SRPK2: variants seen among roughly 807,000 people sequenced by gnomAD.
SRPK2 encodes the protein SFRS protein kinase 2.
Under a neutral mutation model 90.8 loss-of-function variants are expected in SRPK2, and 21 were observed. The ratio of observed to expected loss-of-function variants is 0.23; its 90% CI spans 0.16 to 0.33. SRPK2 has a LOEUF of 0.33. SRPK2 is among the 10% of genes least tolerant of loss of function. The pLI, the probability that SRPK2 is intolerant of heterozygous loss-of-function variation, is 1.00. For missense variants in SRPK2, 620 were observed against 869.0 expected, an observed-to-expected ratio of 0.71 and a Z score of 3.60; for synonymous variants, 288 against 311.1, an observed-to-expected ratio of 0.93 and a Z score of 0.78.
intron 2 of SRPK2, among the ~76,000 whole-genome samples, chr7:105,317,532 A>C (rs1249524805): frequency 6.6e-6 from 1 of 152,240 alleles, no homozygotes; most frequent in Non-Finnish European, 1.5e-5. Flanking sequence ...GGAACCTGAC[A>C]GACATTTTTC....
chr7:105,200,827 G>C (rs186152823), intron 3 of SRPK2, among the ~76,000 whole-genome samples: 160 of 152,262 alleles, frequency 1.1e-3, no homozygotes, highest in Non-Finnish European at 1.6e-3. Context: ...CAAATTAAAA[G>C]AAATTACAAA....
chr7:105,350,784 T>C (rs557313202), intron 2 of SRPK2, among the ~76,000 whole-genome samples: 14 of 152,200 alleles, frequency 9.2e-5, no homozygotes, highest in African/African-American at 3.1e-4. Context: ...AGTGCTATAG[T>C]TGCTATAATT....
chr7:105,328,415 T>C (rs1813851128), intron 2 of SRPK2, among the ~76,000 whole-genome samples: 2 of 150,046 alleles, frequency 1.3e-5, no homozygotes, highest in Non-Finnish European at 3.0e-5. Flanking sequence ...TACAAAAAAT[T>C]AGCCAGGTGT....
intron 15 of SRPK2, among the ~76,000 whole-genome samples, chr7:105,121,415 T>C (rs1800364336): frequency 6.6e-6 from 1 of 151,410 alleles, no homozygotes. Context: ...TATGAAGATG[T>C]GTTTCACTGA....
chr7:105,160,411 C>T, intron 7 of SRPK2, 96 bp downstream of exon 7: 1 of 674,156 alleles, frequency 1.5e-6, no homozygotes, highest in Non-Finnish European at 2.7e-6. Context: ...TGCACTGATA[C>T]ATATGTAATA....
chr7:105,118,537 T>A (rs980654768), intron 15 of SRPK2, among the ~76,000 whole-genome samples: 1 of 152,134 alleles, frequency 6.6e-6, no homozygotes, highest in South Asian at 2.1e-4. Flanking sequence ...TTGGTTGACA[T>A]AACAGAATGA....
intron 2 of SRPK2, among the ~76,000 whole-genome samples, chr7:105,275,073 A>T (rs1439902380): frequency 6.6e-6 from 1 of 151,986 alleles, no homozygotes. Flanking sequence ...TTTTTAGTAG[A>T]GACGGGGGTT....
intron 2 of SRPK2, among the ~76,000 whole-genome samples, chr7:105,288,333 A>G (rs1808447909): frequency 6.6e-6 from 1 of 152,222 alleles, no homozygotes; most frequent in African/African-American, 2.4e-5. Context: ...GGGGTGGCTC[A>G]TGCCTGTAAT....
chr7:105,301,218 C>T (rs1249201614), intron 2 of SRPK2, among the ~76,000 whole-genome samples: 78 of 148,640 alleles, frequency 5.2e-4, no homozygotes, highest in Non-Finnish European at 1.5e-5. Context: ...CCGAGGCAGG[C>T]GGATCATGAG....
intron 3 of SRPK2, among the ~76,000 whole-genome samples, chr7:105,178,956 C>A (rs1258303597): frequency 1.3e-5 from 2 of 152,178 alleles, no homozygotes; most frequent in Admixed American, 6.5e-5. Context: ...ATAATACTAT[C>A]AAAAATTATG....
chr7:105,253,839 G>A lies in SRPK2; in HGVS notation c.72-50054C>T, dbSNP rs572496301. Among the ~76,000 whole-genome samples the A allele has an allele frequency of 2.6e-5, 4 of 152,130 alleles. No homozygotes were observed. The South Asian group carries it at 6.2e-4, about 24-fold the overall frequency. On this transcript the variant is annotated intron_variant, in intron 2 of 15. Transcript: ENST00000393651. ...AAATATATTGAGCAACCAATCATGA[G>A]GCCATGGTTGAAAAGGTAAGGTTAG... is the stretch of plus-strand genomic sequence containing the variant.
intron 2 of SRPK2, among the ~76,000 whole-genome samples, chr7:105,248,802 G>T (rs532082758): frequency 3.1e-4 from 47 of 151,848 alleles, no homozygotes; most frequent in African/African-American, 1.1e-3. Flanking sequence ...AAAATTAGCC[G>T]GGTGTGGTGT....
intron 3 of SRPK2, among the ~76,000 whole-genome samples, chr7:105,178,720 G>T (rs2129595912): frequency 6.6e-6 from 1 of 152,080 alleles, no homozygotes; most frequent in Non-Finnish European, 1.5e-5. Context: ...TACTCCGAAG[G>T]ATCACTTGGG....
intron 2 of SRPK2, among the ~76,000 whole-genome samples, chr7:105,361,488 C>T (rs149536166): frequency 0.016 from 2,482 of 152,126 alleles, 65 homozygotes; most frequent in African/African-American, 0.055. Flanking sequence ...AAAGTTCATA[C>T]GGAACCAAAA....
intron 2 of SRPK2, chr7:105,206,275 T>C (rs1344969883): frequency 7.3e-6 from 2 of 272,838 alleles, no homozygotes; most frequent in Admixed American, 4.8e-5. Context: ...TTTCTATATA[T>C]GGCTTTACCT....
At chr7:105,306,424 A>G (rs1422346850) in intron 2 of SRPK2, 1 of 421,712 alleles carries the variant, frequency 2.4e-6, no homozygotes, top group Non-Finnish European at 4.6e-6. Context: ...GTTTAAGTAG[A>G]AATTTTGAAA....
At chr7:105,314,072 T>C (rs1658719311) in intron 2 of SRPK2, among the ~76,000 whole-genome samples, 1 of 152,064 alleles carries the variant, frequency 6.6e-6, no homozygotes, top group Non-Finnish European at 1.5e-5. Context: ...CAGTTGGGCG[T>C]GGTGGTTCAC....
intron 3 of SRPK2, among the ~76,000 whole-genome samples, chr7:105,202,679 C>A (rs1022687166): frequency 1.3e-5 from 2 of 152,194 alleles, no homozygotes; most frequent in Non-Finnish European, 2.9e-5. Context: ...GTTTCTGTGT[C>A]TTCCGTGAAA....
At chr7:105,185,729 C>T (rs1413337717) in intron 3 of SRPK2, among the ~76,000 whole-genome samples, 2 of 152,128 alleles carry the variant, frequency 1.3e-5, no homozygotes, top group Non-Finnish European at 2.9e-5. Context: ...CACTCGAAAG[C>T]CCCACCTAGT....
Sources: gnomAD v4.1 joint callset for allele counts (sites outside exome capture counted in the v4.1 genomes callset) on GRCh38, gnomAD v4.1.1 for gene constraint, MANE v1.5 for transcripts, NCBI Gene and HGNC (gene_info 2026-07-23, HGNC 2026-07-21) for gene names.